The following PTPRK variants were observed in gnomAD, a reference collection of about 807,000 sequenced individuals.
PTPRK encodes the protein receptor-type tyrosine-protein phosphatase kappa.
In PTPRK, 75 loss-of-function variants were observed where a neutral mutation model predicts 178.0. The ratio of observed to expected loss-of-function variants is 0.42; its 90% CI spans 0.35 to 0.51. PTPRK has a LOEUF of 0.51. PTPRK is among the 20% of genes least tolerant of loss of function. The pLI is 0.02. For missense variants in PTPRK, 1,441 were observed against 1,797.8 expected, an observed-to-expected ratio of 0.80 and a Z score of 3.59; for synonymous variants, 637 against 620.6, an observed-to-expected ratio of 1.03 and a Z score of -0.39.
At chr6:128,176,886 C>A (rs1351690965) in intron 7 of PTPRK, among the ~76,000 whole-genome samples, 1 of 151,490 alleles carries the variant, frequency 6.6e-6, no homozygotes, top group African/African-American at 2.4e-5. Context: ...GAATGACCAA[C>A]ACTCCCCCAA....
intron 7 of PTPRK, among the ~76,000 whole-genome samples, chr6:128,111,013 CAA>C (rs1790565334): frequency 6.6e-6 from 1 of 152,228 alleles, no homozygotes; most frequent in East Asian, 1.9e-4. Flanking sequence ...ATCGGCAGTT[CAA>C]ATGACACAAT....
At chr6:128,234,974 T>C (rs544757402) in intron 5 of PTPRK, among the ~76,000 whole-genome samples, 2 of 152,348 alleles carry the variant, frequency 1.3e-5, no homozygotes, top group East Asian at 3.9e-4. Context: ...TAGTTAACAA[T>C]TTATTGTATA....
At chr6:128,083,663 C>T (rs1364303066) in intron 9 of PTPRK, 52 bp downstream of exon 9, 20 of 1,087,834 alleles carry the variant, frequency 1.8e-5, no homozygotes, top group Non-Finnish European at 2.6e-5. Flanking sequence ...CTTTCTTCTT[C>T]CTTTTAGTCC....
intron 1 of PTPRK, 53 bp from the exon 2 acceptor site, chr6:128,397,741 C>G: frequency 6.4e-7 from 1 of 1,562,954 alleles, no homozygotes; most frequent in Non-Finnish European, 8.8e-7. Context: ...CCAAACATAA[C>G]GAAAGTTCTG....
In PTPRK at chr6:128,518,900, G is replaced by A. The variant is rs542706538; in HGVS notation, c.100+1359C>T. On this transcript the variant is annotated intron_variant, in intron 1 of 29. Coordinates refer to ENST00000368226, the MANE Select transcript of PTPRK (RefSeq NM_002844.4). ...TTCTAAATGGGGCGGGGGTAGGAGAGCAATGGAAGGGAAATAAACGATTAC... is the reference window on the plus strand; with the variant it reads ...TTCTAAATGGGGCGGGGGTAGGAGAACAATGGAAGGGAAATAAACGATTAC... The A allele has an allele frequency of 2.5e-5, 11 of 446,334 alleles. 1 individual carries two copies. Among genetic ancestry groups the A allele is most frequent in the African/African-American group, 2.1e-4 (10 of 48,764 alleles). The allele number at this position is 446,334 out of a possible 1,614,324, so 27.6% of individuals were successfully genotyped here.
chr6:128,079,527 T>C (rs1288178268), intron 10 of PTPRK, among the ~76,000 whole-genome samples: 1 of 152,050 alleles, frequency 6.6e-6, no homozygotes, highest in Non-Finnish European at 1.5e-5. Context: ...TTTTTTTAAA[T>C]ATTTGATAAT....
chr6:128,060,709 T>C (rs990461502), intron 13 of PTPRK, among the ~76,000 whole-genome samples: 30 of 152,304 alleles, frequency 2.0e-4, no homozygotes, highest in Non-Finnish European at 4.0e-4. Flanking sequence ...CAGACTAGGA[T>C]TAAATTTAAT....
chr6:128,091,288 A>C (rs1786900197), intron 7 of PTPRK, among the ~76,000 whole-genome samples: 1 of 152,206 alleles, frequency 6.6e-6, no homozygotes, highest in Non-Finnish European at 1.5e-5. Context: ...CCTGAAGTCC[A>C]CAGGTTGGAA....
At chr6:128,124,819 C>T (rs1052868445) in intron 7 of PTPRK, among the ~76,000 whole-genome samples, 3 of 152,202 alleles carry the variant, frequency 2.0e-5, no homozygotes, top group African/African-American at 7.2e-5. Flanking sequence ...CTCCAGCAGA[C>T]TGCCTTCAGA....
intron 3 of PTPRK, among the ~76,000 whole-genome samples, chr6:128,303,115 T>C (rs903077212): frequency 6.6e-6 from 1 of 152,220 alleles, no homozygotes; most frequent in Non-Finnish European, 1.5e-5. Context: ...CTTCTACTCC[T>C]ATCAGTTACA....
At chr6:128,457,078 T>C (rs1023953593) in intron 1 of PTPRK, among the ~76,000 whole-genome samples, 6 of 152,128 alleles carry the variant, frequency 3.9e-5, no homozygotes, top group Non-Finnish European at 7.4e-5. Context: ...TTCCGCATTA[T>C]GACTGTACCA....
chr6:128,240,194 G>T, intron 4 of PTPRK, 44 bp from the exon 5 acceptor site: 5 of 1,376,570 alleles, frequency 3.6e-6, no homozygotes, highest in Non-Finnish European at 5.1e-6. Flanking sequence ...TTCACATGAA[G>T]AAAATATGCC....
chr6:128,161,513 G>C (rs1299711584), intron 7 of PTPRK, among the ~76,000 whole-genome samples: 1 of 151,606 alleles, frequency 6.6e-6, no homozygotes, highest in Non-Finnish European at 1.5e-5. Flanking sequence ...TTCACTGCCT[G>C]AAAGTCATTC....
chr6:128,177,888 G>A (rs1801315563), intron 7 of PTPRK, among the ~76,000 whole-genome samples: 1 of 151,240 alleles, frequency 6.6e-6, no homozygotes, highest in Admixed American at 6.6e-5. Context: ...GAACCCCAGA[G>A]GTTTAAAAAA....
chr6:127,984,927 T>C (rs1038112181), intron 22 of PTPRK, among the ~76,000 whole-genome samples: 2 of 152,270 alleles, frequency 1.3e-5, no homozygotes, highest in Non-Finnish European at 2.9e-5. Context: ...CTGCTTTTTT[T>C]CCCCTCTTTT....
At chr6:128,452,424 A>G (rs1304903718) in intron 1 of PTPRK, among the ~76,000 whole-genome samples, 1 of 152,136 alleles carries the variant, frequency 6.6e-6, no homozygotes, top group East Asian at 1.9e-4. Context: ...TTCTCTTTAT[A>G]AGGTTTTAAT....
chr6:127,995,258 C>G (rs753884047), intron 18 of PTPRK: 15 of 1,605,394 alleles, frequency 9.3e-6, no homozygotes, highest in Admixed American at 1.7e-5. Flanking sequence ...CATCCCTGTA[C>G]AGCCAAATCT....
chr6:128,494,684 G>A (rs1020852766), intron 1 of PTPRK, among the ~76,000 whole-genome samples: 3 of 152,228 alleles, frequency 2.0e-5, no homozygotes, highest in African/African-American at 7.2e-5. Context: ...CACTTCAATG[G>A]AAGTGGCACC....
At chr6:128,311,136 C>CA (rs1274023886) in intron 3 of PTPRK, among the ~76,000 whole-genome samples, 1 of 151,974 alleles carries the variant, frequency 6.6e-6, no homozygotes, top group Non-Finnish European at 1.5e-5. Flanking sequence ...CCTTTCATAA[C>CA]AAAAAAATAA....
Sources: gnomAD v4.1 joint callset for allele counts (sites outside exome capture counted in the v4.1 genomes callset) on GRCh38, gnomAD v4.1.1 for gene constraint, MANE v1.5 for transcripts, NCBI Gene and HGNC (gene_info 2026-07-23, HGNC 2026-07-21) for gene names.